The following PRKN variants were observed in gnomAD, a reference collection of about 807,000 sequenced individuals.
PRKN encodes the protein E3 ubiquitin-protein ligase parkin.
In PRKN, 56 loss-of-function variants were observed where a neutral mutation model predicts 59.5. The observed-to-expected ratio is 0.94, with a 90% CI of 0.76 to 1.18. The LOEUF is 1.18. Among genes scored for constraint, PRKN ranks in the 50% most tolerant of loss-of-function variants. The pLI is 0.00. For synonymous variants in PRKN, 250 were observed against 222.1 expected (o/e 1.13, Z -1.12); for missense variants, 657 against 596.4 (o/e 1.10, Z -1.06).
rs1320619648 is a variant in PRKN at position 161,538,618 on chromosome 6, C to T, written c.1083+10236G>A. 6.6e-6 allele frequency among the ~76,000 whole-genome samples: 1 copy of T among 152,004 alleles called. No homozygotes were observed. Among genetic ancestry groups the T allele is most frequent in the African/African-American group, 2.4e-5 (1 of 41,396 alleles). ...CTTTGAGGACTTCAACTGGTAGAATCCTGGGGCCCACTGAGATGCCAAGCG... is the reference window on the plus strand; with the variant it reads ...CTTTGAGGACTTCAACTGGTAGAATTCTGGGGCCCACTGAGATGCCAAGCG... On this transcript the variant is annotated intron_variant, in intron 9 of 11. Coordinates refer to ENST00000366898, the MANE Select transcript of PRKN (RefSeq NM_004562.3). This position sits in a 1 kb window ranked among gnomAD's most constrained non-coding sequence, Gnocchi z 4.2.
At chr6:162,402,885 C>T (rs953951394) in intron 2 of PRKN, among the ~76,000 whole-genome samples, 3 of 151,980 alleles carry the variant, frequency 2.0e-5, no homozygotes, top group Non-Finnish European at 4.4e-5. Flanking sequence ...CACTCCTAGG[C>T]TCAAGTCTCG....
At chr6:161,737,816 C>T (rs866616058) in intron 7 of PRKN, among the ~76,000 whole-genome samples, 1 of 152,132 alleles carries the variant, frequency 6.6e-6, no homozygotes, top group African/African-American at 2.4e-5. Flanking sequence ...GGGCAGGATG[C>T]GATTTCTGGC....
rs148992452 is a variant in PRKN, at chr6:161,658,071, T to G, written c.872-88655A>C. On this transcript the variant is annotated intron_variant, in intron 7 of 11. Transcript: ENST00000366898. ...AAAAAAACGGTGTGCCAGTTGAAACTACTCACATTTTAAAAGGATGTCACA... is the reference window on the plus strand; with the variant it reads ...AAAAAAACGGTGTGCCAGTTGAAACGACTCACATTTTAAAAGGATGTCACA... Among the ~76,000 whole-genome samples, 537 of 146,952 alleles carry G rather than the reference T, an allele frequency of 3.7e-3. 3 individuals carry two copies. The highest frequency in any genetic ancestry group is 0.013 in the African/African-American group (508 of 40,094).
rs138629574 is a variant in PRKN at position 162,344,989 on chromosome 6, T to C, written c.172-82224A>G. Among the ~76,000 whole-genome samples the C allele has an allele frequency of 3.1e-3, 470 of 152,222 alleles. 3 individuals carry two copies. Among genetic ancestry groups the C allele is most frequent in the African/African-American group, 0.011 (448 of 41,546 alleles). ...CAGAAACAAAGTGTGCACCAAAAGGTAAAGAATTTTCCTAGGACAAGACCG... is the reference window on the plus strand; with the variant it reads ...CAGAAACAAAGTGTGCACCAAAAGGCAAAGAATTTTCCTAGGACAAGACCG... On this transcript the variant is annotated intron_variant, in intron 2 of 11. Transcript: ENST00000366898.
intron 4 of PRKN, among the ~76,000 whole-genome samples, chr6:162,119,371 G>A (rs1337739505): frequency 6.6e-6 from 1 of 152,144 alleles, no homozygotes; most frequent in Non-Finnish European, 1.5e-5. Flanking sequence ...GGGCTGTCAG[G>A]TACTCAGACA....
At chr6:162,715,457 A>C (rs542967050) in intron 1 of PRKN, among the ~76,000 whole-genome samples, 8 of 152,198 alleles carry the variant, frequency 5.3e-5, no homozygotes, top group Non-Finnish European at 1.2e-4. Flanking sequence ...AAACCTTTTG[A>C]AGGGTTTGTT....
chr6:162,334,947 C>T (rs1783765782), intron 2 of PRKN, among the ~76,000 whole-genome samples: 1 of 152,088 alleles, frequency 6.6e-6, no homozygotes, highest in Admixed American at 6.5e-5. Flanking sequence ...GAAGTGGAGC[C>T]TGAAGATGTG....
At position 162,249,143 on chromosome 6, in the gene PRKN, G is replaced by T. The variant is rs191291619; in HGVS notation, c.412+13382C>A. ...TCAGCCCGCCTTGGCCTCCCAAAGG[G>T]CTGGGATTACAGGCGTGAGCCACCA... On this transcript the variant is annotated intron_variant, in intron 3 of 11. Transcript: ENST00000366898. Among the ~76,000 whole-genome samples, 299 of 152,280 alleles carry T rather than the reference G, an allele frequency of 2.0e-3. 2 individuals are homozygous for T. The highest frequency in any genetic ancestry group is 3.1e-3 in the Admixed American group (47 of 15,296).
At chr6:162,413,899 A>G (rs985760371) in intron 2 of PRKN, among the ~76,000 whole-genome samples, 1 of 152,128 alleles carries the variant, frequency 6.6e-6, no homozygotes, top group African/African-American at 2.4e-5. Context: ...TTGCAGATAC[A>G]GGCTGGGCGC....
At chr6:162,287,764 G>T (rs1213852017) in intron 2 of PRKN, among the ~76,000 whole-genome samples, 1 of 152,126 alleles carries the variant, frequency 6.6e-6, no homozygotes, top group Non-Finnish European at 1.5e-5. Context: ...ATCACAAATA[G>T]AAATTTGTGA....
intron 4 of PRKN, among the ~76,000 whole-genome samples, chr6:162,058,445 C>T (rs1777956040): frequency 6.6e-6 from 1 of 152,216 alleles, no homozygotes; most frequent in African/African-American, 2.4e-5. Flanking sequence ...CTGTGCCAAG[C>T]TCTGGCTCTC....
chr6:161,733,775 AAAAAAAAAAT>A (rs1437968812), intron 7 of PRKN, among the ~76,000 whole-genome samples: 2 of 80,956 alleles, frequency 2.5e-5, no homozygotes, highest in African/African-American at 2.3e-4. Flanking sequence ...GGGGTGAAAA[AAAAAAAAAAT>A]ATATATATAT....
chr6:162,379,104 A>T (rs1486840696), intron 2 of PRKN, among the ~76,000 whole-genome samples: 1 of 152,166 alleles, frequency 6.6e-6, no homozygotes, highest in Non-Finnish European at 1.5e-5. Flanking sequence ...AACCAAGTCA[A>T]TGTTTTCCTT....
intron 1 of PRKN, among the ~76,000 whole-genome samples, chr6:162,716,373 C>T (rs1403812615): frequency 3.3e-5 from 5 of 152,152 alleles, no homozygotes; most frequent in African/African-American, 1.2e-4. Flanking sequence ...AAAATTCTAA[C>T]TGTATAATTT....
chr6:162,700,491 A>G (rs1043768789), intron 1 of PRKN, among the ~76,000 whole-genome samples: 1 of 152,070 alleles, frequency 6.6e-6, no homozygotes, highest in African/African-American at 2.4e-5. Context: ...AACTCCACCC[A>G]CTTCTTAGTT....
At position 161,467,513 on chromosome 6, in the gene PRKN, A is replaced by G. The variant is rs1162224096; in HGVS notation, c.1084-80636T>C. Reference sequence around the variant, plus strand: ...GTCCAATGGGGAAGACCTAGATACAATTTTAATACAATGCTTTACTGTTGT... The same window carrying G: ...GTCCAATGGGGAAGACCTAGATACAGTTTTAATACAATGCTTTACTGTTGT... On this transcript the variant is annotated intron_variant, in intron 9 of 11. Coordinates refer to ENST00000366898, the MANE Select transcript of PRKN (RefSeq NM_004562.3). The surrounding 1 kb of genome is among the most constrained non-coding windows in gnomAD (Gnocchi z 4.3). Among the ~76,000 whole-genome samples, 1 of 152,130 alleles carries G rather than the reference A, an allele frequency of 6.6e-6. No homozygotes were observed. Among genetic ancestry groups the G allele is most frequent in the East Asian group, 1.9e-4 (1 of 5,184 alleles).
intron 10 of PRKN, among the ~76,000 whole-genome samples, chr6:161,380,320 G>A (rs572046231): frequency 6.6e-5 from 10 of 151,744 alleles, no homozygotes; most frequent in African/African-American, 1.5e-4. Context: ...ACACTCTCTC[G>A]TGCCTCTTAG....
chr6:162,221,400 C>T (rs1777928843), intron 3 of PRKN, among the ~76,000 whole-genome samples: 1 of 152,170 alleles, frequency 6.6e-6, no homozygotes, highest in South Asian at 2.1e-4. Flanking sequence ...GGACTATGAA[C>T]AGTAATAAGA....
intron 3 of PRKN, among the ~76,000 whole-genome samples, chr6:162,260,504 C>A (rs2128099375): frequency 6.6e-6 from 1 of 152,154 alleles, no homozygotes; most frequent in East Asian, 1.9e-4. Context: ...AGAGAGAATA[C>A]TATATTTTCT....
Sources: gnomAD v4.1 joint callset for allele counts (sites outside exome capture counted in the v4.1 genomes callset) on GRCh38, gnomAD v4.1.1 for gene constraint, Gnocchi (gnomAD v3.1) non-coding constraint, MANE v1.5 for transcripts, NCBI Gene and HGNC (gene_info 2026-07-23, HGNC 2026-07-21) for gene names.